Variants in HTR4 observed in about 807,000 individuals in gnomAD.
HTR4 encodes 5-hydroxytryptamine receptor 4, also known as 5-hydroxytryptamine (serotonin) receptor 4, G protein-coupled.
HTR4 carries 16 observed loss-of-function variants against 36.8 expected under a neutral mutation model. That is an observed-to-expected ratio of 0.43 (90% confidence interval 0.29 to 0.66). The LOEUF (loss-of-function observed/expected upper bound fraction) is 0.66, where lower values mean the gene tolerates loss of function less well. Ranked by LOEUF, HTR4 falls within the 30% of genes least tolerant of loss-of-function variation. The probability of loss-of-function intolerance (pLI) is 0.13; values close to 1 mark genes in which losing one functional copy is unlikely to be tolerated. For missense variants in HTR4, 438 were observed against 490.9 expected (o/e 0.89, Z 1.02); for synonymous variants, 189 against 185.1 (o/e 1.02, Z -0.17).
intron 1 of HTR4, among the ~76,000 whole-genome samples, chr5:148,647,373 G>T (rs1402437708): frequency 6.6e-6 from 1 of 152,158 alleles, no homozygotes; most frequent in African/African-American, 2.4e-5. Context: ...GCCGATCTTT[G>T]GGGGAGCAAA....
intron 5 of HTR4, 72 bp downstream of exon 5, chr5:148,523,121 T>C (rs1046434982): frequency 3.0e-6 from 4 of 1,349,194 alleles, no homozygotes; most frequent in Non-Finnish European, 4.1e-6. Flanking sequence ...AATCTAATAT[T>C]ATTTATTCAT....
At chr5:148,468,928 G>C (rs1755500459) in intron 5 of HTR4, among the ~76,000 whole-genome samples, 1 of 151,922 alleles carries the variant, frequency 6.6e-6, no homozygotes, top group African/African-American at 2.4e-5. Context: ...AGGGACTTCT[G>C]CTTGCTGCTG....
At chr5:148,622,628 T>A (rs1752955480) in intron 2 of HTR4, among the ~76,000 whole-genome samples, 1 of 152,250 alleles carries the variant, frequency 6.6e-6, no homozygotes, top group South Asian at 2.1e-4. Context: ...TAGCGGTGTG[T>A]CTTTAAGTGC....
rs115782319 is a variant in HTR4 at position 148,557,070 on chromosome 5, C to T, written c.27-6808G>A. 4.2e-3 allele frequency among the ~76,000 whole-genome samples: 640 copies of T among 152,206 alleles called. 2 individuals carry two copies. The highest frequency in any genetic ancestry group is 0.015 in the African/African-American group (613 of 41,530). On this transcript the variant is annotated intron_variant, in intron 2 of 6. Coordinates refer to ENST00000377888, the MANE Select transcript of HTR4 (RefSeq NM_000870.7). ...TCTGAGATGAGCTCAGACAAGTAGT[C>T]GGAAGCCAGACCCTGAGGGCTTTTT...
intron 4 of HTR4, 64 bp downstream of exon 4, chr5:148,548,604 C>T: frequency 7.8e-7 from 1 of 1,286,016 alleles, no homozygotes; most frequent in Non-Finnish European, 1.1e-6. Flanking sequence ...GCAGACACTG[C>T]CCAATATCCA....
At position 148,488,446 on chromosome 5, in the gene HTR4, C is replaced by T. The variant is rs541307982; in HGVS notation, c.1077-5153G>A. ...TAATAACTTTGTTTTACTTTCATTGCATTTGTATTAAAAATCATCTTCTCT... is the reference window on the plus strand; with the variant it reads ...TAATAACTTTGTTTTACTTTCATTGTATTTGTATTAAAAATCATCTTCTCT... On this transcript the variant is annotated intron_variant, in intron 6 of 6. Transcript: ENST00000377888. 2.0e-5 allele frequency among the ~76,000 whole-genome samples: 3 copies of T among 152,266 alleles called. No homozygotes were observed. The South Asian group carries it at 6.2e-4, about 32-fold the overall frequency.
intron 2 of HTR4, among the ~76,000 whole-genome samples, chr5:148,605,031 ATACC>A (rs988489647): frequency 6.6e-6 from 1 of 152,102 alleles, no homozygotes; most frequent in Non-Finnish European, 1.5e-5. Flanking sequence ...GTATCTCTGT[ATACC>A]TATTGCATTT....
At chr5:148,641,176 A>G (rs1753718115) in intron 1 of HTR4, among the ~76,000 whole-genome samples, 1 of 152,180 alleles carries the variant, frequency 6.6e-6, no homozygotes, top group Non-Finnish European at 1.5e-5. Flanking sequence ...TTGAATACTT[A>G]TATTTCTGGC....
intron 2 of HTR4, among the ~76,000 whole-genome samples, chr5:148,592,350 A>G (rs1761605863): frequency 6.6e-6 from 1 of 152,126 alleles, no homozygotes; most frequent in Non-Finnish European, 1.5e-5. Flanking sequence ...ATGTTTACCT[A>G]TGTAACAAAA....
At chr5:148,601,180 A>T (rs2127268910) in intron 2 of HTR4, among the ~76,000 whole-genome samples, 1 of 152,144 alleles carries the variant, frequency 6.6e-6, no homozygotes, top group Non-Finnish European at 1.5e-5. Context: ...TTATTAAAAA[A>T]AATAAAGATA....
rs182736599 is a variant in HTR4 at position 148,619,769 on chromosome 5, A to T, written c.26+17220T>A. 3.3e-5 allele frequency among the ~76,000 whole-genome samples: 5 copies of T among 152,324 alleles called. No homozygotes were observed. In the East Asian group the frequency reaches 7.7e-4, roughly 23 times the overall value. On this transcript the variant is annotated intron_variant, in intron 2 of 6. Transcript: ENST00000377888. ...GTAGGAGGAAGATAAAAAAATTTTT[A>T]AAAAAGAAAGGGCCAAAGCAGGAAA... is the stretch of plus-strand genomic sequence containing the variant.
At chr5:148,650,003 G>T (rs757110587) in intron 1 of HTR4, among the ~76,000 whole-genome samples, 25 of 150,962 alleles carry the variant, frequency 1.7e-4, no homozygotes, top group Non-Finnish European at 3.4e-4. Context: ...CAGAAACTTT[G>T]GGAGTGAGGA....
chr5:148,644,597 A>G (rs535325330), intron 1 of HTR4: 1 of 152,128 alleles, frequency 6.6e-6, no homozygotes, highest in South Asian at 2.1e-4. Flanking sequence ...ACAGTCAATA[A>G]GATGTGTGTT....
chr5:148,485,602 T>C (rs1339519749), intron 6 of HTR4, among the ~76,000 whole-genome samples: 3 of 152,160 alleles, frequency 2.0e-5, no homozygotes, highest in Non-Finnish European at 4.4e-5. Flanking sequence ...TGAGACTCTT[T>C]CCTGCTAACT....
At chr5:148,640,060 T>C (rs1039516777) in intron 1 of HTR4, among the ~76,000 whole-genome samples, 8 of 152,100 alleles carry the variant, frequency 5.3e-5, no homozygotes, top group Admixed American at 2.6e-4. Context: ...GAGAGGGTAA[T>C]TGAATTGCCA....
intron 2 of HTR4, among the ~76,000 whole-genome samples, chr5:148,615,741 A>ATAAAG (rs1388860422): frequency 2.0e-5 from 3 of 151,848 alleles, no homozygotes; most frequent in South Asian, 2.1e-4. Flanking sequence ...ATAAAATAAA[A>ATAAAG]TAAAGCTCCT....
chr5:148,537,018 C>T (rs1258678340), intron 4 of HTR4, among the ~76,000 whole-genome samples: 1 of 152,078 alleles, frequency 6.6e-6, no homozygotes, highest in Non-Finnish European at 1.5e-5. Flanking sequence ...TGCAAAAGAA[C>T]TAAAATCATA....
chr5:148,487,783 A>G (rs1401939991), intron 6 of HTR4, among the ~76,000 whole-genome samples: 1 of 151,846 alleles, frequency 6.6e-6, no homozygotes, highest in East Asian at 1.9e-4. Flanking sequence ...GCTTAGAGAT[A>G]GGCAGTAGAG....
At chr5:148,497,033 C>T (rs946409790) in intron 6 of HTR4, among the ~76,000 whole-genome samples, 21 of 152,156 alleles carry the variant, frequency 1.4e-4, no homozygotes, top group African/African-American at 5.1e-4. Context: ...TTTACAGCCA[C>T]CTCTTCTACT....
Sources: allele counts gnomAD v4.1 joint callset (sites outside exome capture counted in the v4.1 genomes callset), GRCh38; gene constraint gnomAD v4.1.1; transcripts MANE v1.5; gene names NCBI Gene and HGNC (gene_info 2026-07-23, HGNC 2026-07-21).